Variants in CUX2 observed in about 807,000 individuals in gnomAD.
CUX2 encodes cut like homeobox 2.
Under a neutral mutation model 144.8 loss-of-function variants are expected in CUX2, and 40 were observed. The observed-to-expected ratio is 0.28, with a 90% confidence interval of 0.21 to 0.36. The LOEUF is 0.36. Among genes scored for constraint, CUX2 ranks in the 10% least tolerant of loss-of-function variants. The probability of loss-of-function intolerance (pLI) is 1.00; values close to 1 mark genes in which losing one functional copy is unlikely to be tolerated. For missense variants in CUX2, 1,615 were observed against 1,994.0 expected, an observed-to-expected ratio of 0.81 and a Z score of 3.62; for synonymous variants, 827 against 875.6, an observed-to-expected ratio of 0.94 and a Z score of 0.98.
At position 111,312,380 on chromosome 12, in the gene CUX2, A is replaced by T. The variant is rs1287565504; in HGVS notation, c.2002+179A>T. Among the ~76,000 whole-genome samples the T allele has an allele frequency of 6.6e-6, 1 of 152,182 alleles. No individual in the cohort carries two copies. The highest frequency in any genetic ancestry group is 1.5e-5 in the Non-Finnish European group (1 of 68,026). ...CTGTGGCACTGCTCAGAACCCTGCC[A>T]TGGTTCCACACAGCTCTCAACATAA... On this transcript the variant is annotated intron_variant, in intron 16 of 21. Coordinates refer to ENST00000261726, the MANE Select transcript of CUX2 (RefSeq NM_015267.4). The surrounding 1 kb of genome is among the most constrained non-coding windows in gnomAD (Gnocchi z 4.3).
intron 3 of CUX2, among the ~76,000 whole-genome samples, chr12:111,238,725 C>T (rs970829829): frequency 2.0e-5 from 3 of 152,168 alleles, no homozygotes; most frequent in East Asian, 3.8e-4. Flanking sequence ...CATACACACA[C>T]ACACATGAAT....
intron 1 of CUX2, among the ~76,000 whole-genome samples, chr12:111,079,376 G>A (rs1871736475): frequency 6.6e-6 from 1 of 152,140 alleles, no homozygotes; most frequent in South Asian, 2.1e-4. Context: ...ATGGACCTGT[G>A]GTGGCCTTCT....
At position 111,320,059 on chromosome 12, in the gene CUX2, AC is replaced by A; in HGVS notation, c.2055del (p.Ala686ProfsTer60). ...VAPLSIANGT[T>X]PASTSEDAIK... Reference sequence around the variant, plus strand: ...CCCGCTGAGCATCGCCAACGGCACGACCCCCGCCAGCACCTCGGAGGACGCC... The same window carrying A: ...CCCGCTGAGCATCGCCAACGGCACGACCCCGCCAGCACCTCGGAGGACGCC... On this transcript the variant is annotated frameshift_variant, in exon 17 of 22. Coordinates refer to ENST00000261726, the MANE Select transcript of CUX2 (RefSeq NM_015267.4). LOFTEE classifies it high-confidence loss of function. The surrounding 1 kb of genome is among the most constrained non-coding windows in gnomAD (Gnocchi z 8.1). 2 of 1,542,750 alleles carry A rather than the reference AC, an allele frequency of 1.3e-6. No individual in the cohort carries two copies.
chr12:111,240,933 G>A (rs988434586), intron 3 of CUX2, among the ~76,000 whole-genome samples: 3 of 152,192 alleles, frequency 2.0e-5, no homozygotes, highest in Admixed American at 6.5e-5. Context: ...CAGCAGTTGG[G>A]CAGAGATGCC....
intron 1 of CUX2, among the ~76,000 whole-genome samples, chr12:111,212,686 C>T (rs559148021): frequency 6.6e-6 from 1 of 152,344 alleles, no homozygotes; most frequent in African/African-American, 2.4e-5. Flanking sequence ...TCTACCTTCT[C>T]CCTTCTAGTC....
intron 1 of CUX2, among the ~76,000 whole-genome samples, chr12:111,072,957 A>C (rs959473822): frequency 1.4e-4 from 22 of 152,244 alleles, no homozygotes; most frequent in African/African-American, 4.6e-4. Flanking sequence ...TATAGAAAGA[A>C]CAGATAAGCA....
At chr12:111,071,071 A>C (rs568932431) in intron 1 of CUX2, among the ~76,000 whole-genome samples, 1 of 147,808 alleles carries the variant, frequency 6.8e-6, no homozygotes, top group Non-Finnish European at 1.5e-5. Context: ...TGCTGTAAAC[A>C]TCTTTCTCTA....
chr12:111,229,108 A>G (rs1387525341), intron 3 of CUX2, among the ~76,000 whole-genome samples: 1 of 152,222 alleles, frequency 6.6e-6, no homozygotes, highest in African/African-American at 2.4e-5. Context: ...CATGATTATT[A>G]CAATTAAGAT....
Position 111,034,756 on chromosome 12 carries a change from G to A in CUX2, c.63+516G>A, listed in dbSNP as rs1869335974. 6.6e-6 allele frequency among the ~76,000 whole-genome samples: 1 copy of A among 150,580 alleles called. No individual in the cohort carries two copies. Among genetic ancestry groups the A allele is most frequent in the Non-Finnish European group, 1.5e-5 (1 of 67,126 alleles). On this transcript the variant is annotated intron_variant, in intron 1 of 21. Transcript: ENST00000261726. This position sits in a 1 kb window ranked among gnomAD's most constrained non-coding sequence, Gnocchi z 4.2. ...GAGGAGGAGGAGGAGAGAGGAGGAG[G>A]GAGCCGGGGTTGGCGAGGAGGCGGC...
intron 1 of CUX2, among the ~76,000 whole-genome samples, chr12:111,064,348 T>A (rs1870935782): frequency 6.6e-6 from 1 of 152,206 alleles, no homozygotes. Context: ...AGTTTTCTCA[T>A]CTATAAAATG....
chr12:111,053,926 G>A (rs897221094), intron 1 of CUX2, among the ~76,000 whole-genome samples: 2 of 152,130 alleles, frequency 1.3e-5, no homozygotes, highest in African/African-American at 2.4e-5. Flanking sequence ...AGGCCACGGC[G>A]GGTGGATCAT....
Position 111,037,719 on chromosome 12 carries a change from T to C in CUX2, c.63+3479T>C, listed in dbSNP as rs939076726. Among the ~76,000 whole-genome samples the C allele has an allele frequency of 6.6e-6, 1 of 152,252 alleles. No homozygotes were observed. The highest frequency in any genetic ancestry group is 1.5e-5 in the Non-Finnish European group (1 of 68,046). ...ATGCAGTATTTTTTTATGGCTTTTC[T>C]GTGTATAATCGTCGTAACCGGATTC... On this transcript the variant is annotated intron_variant, in intron 1 of 21. Transcript: ENST00000261726. This position sits in a 1 kb window ranked among gnomAD's most constrained non-coding sequence, Gnocchi z 5.4.
chr12:111,064,016 T>C (rs1397707299), intron 1 of CUX2, among the ~76,000 whole-genome samples: 3 of 152,198 alleles, frequency 2.0e-5, no homozygotes, highest in African/African-American at 7.2e-5. Context: ...TTGCTTCCTG[T>C]CTGGCTGGCC....
intron 4 of CUX2, among the ~76,000 whole-genome samples, chr12:111,269,059 G>T (rs1357227528): frequency 6.6e-6 from 1 of 152,212 alleles, no homozygotes; most frequent in African/African-American, 2.4e-5. Flanking sequence ...TTCCTGAGCT[G>T]CAGTCTCCTC....
intron 4 of CUX2, among the ~76,000 whole-genome samples, chr12:111,271,275 TAGAG>T (rs753069068): frequency 4.6e-5 from 7 of 152,154 alleles, no homozygotes; most frequent in Non-Finnish European, 7.4e-5. Context: ...CTTCAGAAAA[TAGAG>T]AGAAACAGAA....
chr12:111,218,506 A>G (rs1565855954), intron 3 of CUX2, among the ~76,000 whole-genome samples: 1 of 152,158 alleles, frequency 6.6e-6, no homozygotes, highest in Non-Finnish European at 1.5e-5. Context: ...ACAGAGCGAG[A>G]CCCTGTCTCT....
intron 3 of CUX2, among the ~76,000 whole-genome samples, chr12:111,256,982 C>T (rs1883849632): frequency 2.6e-5 from 4 of 152,252 alleles, no homozygotes; most frequent in Non-Finnish European, 5.9e-5. Flanking sequence ...TTTTTAACCA[C>T]CTGGCTGAAA....
intron 1 of CUX2, among the ~76,000 whole-genome samples, chr12:111,062,182 T>A (rs1025193542): frequency 6.6e-6 from 1 of 152,186 alleles, no homozygotes; most frequent in Non-Finnish European, 1.5e-5. Flanking sequence ...CACCTTCCCA[T>A]GTAGGTACTT....
In CUX2 at chr12:111,347,902, C is replaced by T. The variant is rs747156390; in HGVS notation, c.4038C>T (p.Pro1346=). 2.5e-5 allele frequency: 41 copies of T among 1,614,096 alleles called. No homozygotes were observed. The highest frequency in any genetic ancestry group is 5.5e-5 in the South Asian group (5 of 91,082). ...ATGATGGACTCCCAAAAGTGGCTCC[C>T]GGGCCCCTCCTTCCAGGTGGATCCA... ...PGNDGLPKVA[P]GPLLPGGSTP... The change falls in exon 22 of 22, where the codon CCC becomes CCT. Residue 1346 remains proline (P), a synonymous_variant. Coordinates refer to ENST00000261726, the MANE Select transcript of CUX2 (RefSeq NM_015267.4).
Sources: allele counts gnomAD v4.1 joint callset (sites outside exome capture counted in the v4.1 genomes callset), GRCh38; gene constraint gnomAD v4.1.1; non-coding constraint Gnocchi (gnomAD v3.1); transcripts MANE v1.5; gene names NCBI Gene and HGNC (gene_info 2026-07-23, HGNC 2026-07-21).